The following NAA35 variants were observed in gnomAD, a reference collection of about 807,000 sequenced individuals.
The protein encoded by NAA35 is MAK10 homolog, amino-acid N-acetyltransferase subunit.
A neutral mutation model predicts 101.7 loss-of-function variants in NAA35; 18 were observed. The ratio of observed to expected loss-of-function variants is 0.18; its 90% CI spans 0.12 to 0.26. The LOEUF is 0.26. NAA35 is among the 10% of genes least tolerant of loss of function. The pLI, the probability that NAA35 is intolerant of heterozygous loss-of-function variation, is 1.00. For missense variants in NAA35, 601 were observed against 886.8 expected (o/e 0.68, Z 4.09); for synonymous variants, 267 against 273.1 (o/e 0.98, Z 0.22).
chr9:85,951,433 T>C (rs1181329302), intron 2 of NAA35, among the ~76,000 whole-genome samples: 1 of 152,170 alleles, frequency 6.6e-6, no homozygotes, highest in African/African-American at 2.4e-5. Flanking sequence ...TATTCCTCTT[T>C]GATACTCCAA....
intron 1 of NAA35, 105 bp downstream of exon 1, chr9:85,941,378 C>T: frequency 1.0e-6 from 1 of 985,482 alleles, no homozygotes; most frequent in Non-Finnish European, 1.2e-6. Context: ...GGTCACCCTG[C>T]GGCCCCGGCC....
rs1323039305 is a variant in NAA35, at chr9:86,018,405, C to T, written c.1914+10C>T. ...CTACTTACAGTTCAAGGTGAACCTG[C>T]TCAATGAACTTGTTATGAAATCTTT... On this transcript the variant is annotated intron_variant, in intron 20 of 22. Transcript: ENST00000361671. The T allele has an allele frequency of 1.2e-6, 2 of 1,601,410 alleles. No individual in the cohort carries two copies. Among genetic ancestry groups the T allele is most frequent in the African/African-American group, 1.3e-5 (1 of 74,472 alleles).
chr9:85,955,196 A>ATT lies in NAA35; in HGVS notation c.125-1163_125-1162dup, dbSNP rs1448036861. ...CCTTATTGGTGTATTTTCACACATG[A>ATT]TTCTTATCTGTTTCAGTACCTGGAA... On this transcript the variant is annotated intron_variant, in intron 2 of 22. Transcript: ENST00000361671. 2.6e-5 allele frequency among the ~76,000 whole-genome samples: 4 copies of ATT among 151,612 alleles called. No homozygotes were observed. In the East Asian group the frequency reaches 5.9e-4, roughly 22 times the overall value.
chr9:85,990,468 A>G (rs1484276780), intron 11 of NAA35, among the ~76,000 whole-genome samples: 1 of 152,238 alleles, frequency 6.6e-6, no homozygotes, highest in Non-Finnish European at 1.5e-5. Flanking sequence ...AAGAAGATTA[A>G]CAGCTACCTT....
At chr9:86,006,429 A>G (rs573409590) in intron 13 of NAA35, among the ~76,000 whole-genome samples, 2 of 152,330 alleles carry the variant, frequency 1.3e-5, no homozygotes, top group East Asian at 3.9e-4. Context: ...GTGGATAAAC[A>G]TACTGTGGTA....
intron 12 of NAA35, among the ~76,000 whole-genome samples, chr9:85,998,458 T>C (rs1019569854): frequency 6.6e-6 from 1 of 152,198 alleles, no homozygotes; most frequent in Non-Finnish European, 1.5e-5. Context: ...AAGATGAATA[T>C]ATTTATAGGT....
chr9:85,981,105 T>G (rs1830418957), intron 11 of NAA35, among the ~76,000 whole-genome samples: 5 of 152,192 alleles, frequency 3.3e-5, no homozygotes, highest in Admixed American at 2.0e-4. Flanking sequence ...TTTTTGTGTT[T>G]CTACTAGTTG....
chr9:85,980,282 G>T (rs981023335), intron 11 of NAA35, among the ~76,000 whole-genome samples: 18 of 152,086 alleles, frequency 1.2e-4, no homozygotes, highest in Admixed American at 2.6e-4. Flanking sequence ...CCTTACATAG[G>T]CATGATTGAT....
chr9:86,019,416 G>A (rs1439666423), intron 21 of NAA35, among the ~76,000 whole-genome samples: 1 of 152,158 alleles, frequency 6.6e-6, no homozygotes, highest in African/African-American at 2.4e-5. Context: ...AGCCGAGATT[G>A]TGCCATTGCA....
At chr9:86,020,822 CAAAAAA>C (rs1003315688) in intron 21 of NAA35, 61 bp from the exon 22 acceptor site, 1 of 1,335,836 alleles carries the variant, frequency 7.5e-7, no homozygotes, top group Non-Finnish European at 1.1e-6. Flanking sequence ...CAGCAGGTCT[CAAAAAA>C]GAAAAAGAGA....
intron 12 of NAA35, 128 bp downstream of exon 12, chr9:85,996,705 C>A: frequency 3.1e-6 from 2 of 635,740 alleles, no homozygotes; most frequent in Non-Finnish European, 5.1e-6. Flanking sequence ...AGACATTGAC[C>A]AAGGGTAAAT....
intron 11 of NAA35, among the ~76,000 whole-genome samples, chr9:85,994,270 T>C (rs1397084866): frequency 1.3e-5 from 2 of 152,194 alleles, no homozygotes; most frequent in Non-Finnish European, 2.9e-5. Context: ...TCCAGAACTT[T>C]ATGTTCTAAA....
chr9:85,962,490 C>CAAAAA (rs781302881), intron 6 of NAA35, among the ~76,000 whole-genome samples: 34,557 of 85,330 alleles, frequency 0.4, 7,706 homozygotes, highest in Non-Finnish European at 0.47. Flanking sequence ...GACTCTGTCT[C>CAAAAA]AAAAAAAAAA....
At chr9:85,964,158 T>C (rs1829643000) in intron 6 of NAA35, among the ~76,000 whole-genome samples, 1 of 151,680 alleles carries the variant, frequency 6.6e-6, no homozygotes, top group Non-Finnish European at 1.5e-5. Context: ...GAACTTCTTA[T>C]TGGGGAATAA....
rs140125010 is a variant in NAA35, at chr9:85,962,067, A to G, written c.403A>G (p.Ile135Val). Reference protein sequence around the residue: ...LAQTVFTCLYIHNPDFIEDPA... With the variant: ...LAQTVFTCLYVHNPDFIEDPA... Reference sequence around the variant, plus strand: ...ACAGACAGTATTTACGTGCCTTTACATTCATAATCCAGACTTTATAGAAGA... The same window carrying G: ...ACAGACAGTATTTACGTGCCTTTACGTTCATAATCCAGACTTTATAGAAGA... Residue 135 changes from isoleucine to valine, a missense_variant, in exon 6 of 23, where the codon ATT becomes GTT. Physicochemically the swap from Ile to Val is conservative, Grantham distance 29 (BLOSUM62 3). Transcript: ENST00000361671. The G allele has an allele frequency of 2.0e-4, 328 of 1,613,890 alleles. No homozygotes were observed. Among genetic ancestry groups the G allele is most frequent in the Non-Finnish European group, 2.7e-4 (318 of 1,179,976 alleles).
Position 86,025,019 on chromosome 9 carries a change from A to G in NAA35, c.*3059A>G, listed in dbSNP as rs955682027. Among the ~76,000 whole-genome samples the G allele has an allele frequency of 2.0e-5, 3 of 152,180 alleles. No individual in the cohort carries two copies. Among genetic ancestry groups the G allele is most frequent in the African/African-American group, 7.2e-5 (3 of 41,454 alleles). On this transcript the variant is annotated 3_prime_UTR_variant, in exon 23 of 23. Coordinates refer to ENST00000361671, the MANE Select transcript of NAA35 (RefSeq NM_024635.4). ...CTGCAGGGAAGAATACCTCAAAATC[A>G]TACGAGGCCACTCTTTGACAAGTGT...
intron 4 of NAA35, among the ~76,000 whole-genome samples, chr9:85,959,513 T>C (rs1829421194): frequency 6.6e-6 from 1 of 152,102 alleles, no homozygotes; most frequent in Admixed American, 6.5e-5. Context: ...TTTCATTTTA[T>C]ATAAAGGCCT....
In NAA35 at chr9:85,962,445, T is replaced by A. The variant is rs1412874002; in HGVS notation, c.516+265T>A. Among the ~76,000 whole-genome samples the A allele has an allele frequency of 2.3e-5, 3 of 128,586 alleles. No individual in the cohort carries two copies. In the East Asian group the frequency reaches 7.2e-4, roughly 31 times the overall value. 84.4% of individuals were successfully genotyped at this position (128,586 alleles called of 152,430 possible). On this transcript the variant is annotated intron_variant, in intron 6 of 22. Coordinates refer to ENST00000361671, the MANE Select transcript of NAA35 (RefSeq NM_024635.4). Reference sequence around the variant, plus strand: ...GGCAGAGGTTGCGGTGAGCTGAGATTGTGCCACTGCACTCCAGCCTGGGCA... The same window carrying A: ...GGCAGAGGTTGCGGTGAGCTGAGATAGTGCCACTGCACTCCAGCCTGGGCA...
chr9:85,981,005 C>T (rs979150173), intron 11 of NAA35, among the ~76,000 whole-genome samples: 2 of 152,152 alleles, frequency 1.3e-5, no homozygotes, highest in African/African-American at 2.4e-5. Flanking sequence ...TTGTGTTCCC[C>T]TTCCCATATA....
Sources: allele counts gnomAD v4.1 joint callset (sites outside exome capture counted in the v4.1 genomes callset), GRCh38; gene constraint gnomAD v4.1.1; transcripts MANE v1.5; gene names NCBI Gene and HGNC (gene_info 2026-07-23, HGNC 2026-07-21).